Variants in WDR20 observed in about 807,000 individuals in gnomAD.
The protein encoded by WDR20 is WD repeat domain 20.
WDR20 carries 3 observed loss-of-function variants against 38.7 expected under a neutral mutation model. The observed-to-expected ratio is 0.08, with a 90% CI of 0.04 to 0.20. The LOEUF (loss-of-function observed/expected upper bound fraction) is 0.20. Among genes scored for constraint, WDR20 ranks in the 10% least tolerant of loss-of-function variants. WDR20 has a pLI of 1.00. For synonymous variants in WDR20, 298 were observed against 285.6 expected (o/e 1.04, Z -0.44); for missense variants, 559 against 727.7 (o/e 0.77, Z 2.67).
intron 1 of WDR20, among the ~76,000 whole-genome samples, chr14:102,170,624 A>T (rs1224717028): frequency 7.7e-6 from 1 of 130,432 alleles, no homozygotes; most frequent in African/African-American, 2.7e-5. Context: ...TCTGGTCTTT[A>T]AAAAAAAAAA....
intron 1 of WDR20, among the ~76,000 whole-genome samples, chr14:102,177,462 A>G (rs2062403151): frequency 6.6e-6 from 1 of 152,210 alleles, no homozygotes; most frequent in South Asian, 2.1e-4. Flanking sequence ...CTCAAAACCC[A>G]GTGAAGGGAG....
chr14:102,172,078 G>A (rs1429037959), intron 1 of WDR20, among the ~76,000 whole-genome samples: 1 of 151,252 alleles, frequency 6.6e-6, no homozygotes, highest in East Asian at 1.9e-4. Flanking sequence ...TGTGTCCCTG[G>A]GTACTTGAGA....
downstream of WDR20, among the ~76,000 whole-genome samples, chr14:102,210,839 T>C (rs2062412860): frequency 6.6e-6 from 1 of 152,170 alleles, no homozygotes; most frequent in African/African-American, 2.4e-5. Flanking sequence ...TTCCGACTTC[T>C]CCCTGACATG....
At chr14:102,161,724 G>T (rs1207339323) in intron 1 of WDR20, among the ~76,000 whole-genome samples, 4 of 152,196 alleles carry the variant, frequency 2.6e-5, no homozygotes, top group Admixed American at 1.3e-4. Flanking sequence ...CATTGGTTCT[G>T]CTTTCTACCG....
intron 1 of WDR20, among the ~76,000 whole-genome samples, chr14:102,145,318 T>C (rs149943068): frequency 0.012 from 1,865 of 152,280 alleles, 20 homozygotes; most frequent in Non-Finnish European, 0.019. Flanking sequence ...TTTAAAAATA[T>C]TGCTAGTAGG....
At position 102,139,997 on chromosome 14, in the gene WDR20, A is replaced by G; in HGVS notation, c.74A>G (p.Lys25Arg). The stretch of plus-strand genomic sequence containing the variant: ...TTCACCACCCGGGAAGGTCTGTACA[A>G]GCTGCTGCCGCACTCGGAGTACAGC... ...TQFTTREGLY[K>R]LLPHSEYSRP... The change falls in exon 1 of 3, where the codon AAG becomes AGG. Residue 25 changes from lysine to arginine, a missense_variant. Coordinates refer to ENST00000342702, the MANE Select transcript of WDR20 (RefSeq NM_144574.4). 2 of 1,614,226 alleles carry G rather than the reference A, an allele frequency of 1.2e-6. No individual in the cohort carries two copies. The highest frequency in any genetic ancestry group is 8.5e-7 in the Non-Finnish European group (1 of 1,180,038).
intron 1 of WDR20, among the ~76,000 whole-genome samples, chr14:102,147,347 C>T (rs1360931508): frequency 6.6e-6 from 1 of 152,208 alleles, no homozygotes; most frequent in Non-Finnish European, 1.5e-5. Flanking sequence ...CAAGATCGTG[C>T]CAGTGCACTC....
chr14:102,224,718 G>C, downstream of WDR20: 1 of 456,044 alleles, frequency 2.2e-6, no homozygotes. Flanking sequence ...GTTACAGCTT[G>C]AGTTCTCAGC....
At chr14:102,212,321 C>G (rs756863366), downstream of WDR20, among the ~76,000 whole-genome samples, 1 of 152,184 alleles carries the variant, frequency 6.6e-6, no homozygotes, top group Non-Finnish European at 1.5e-5. Flanking sequence ...GGGGCCCCTT[C>G]GTTGTGTCTA....
intron 1 of WDR20, among the ~76,000 whole-genome samples, chr14:102,169,529 C>T (rs952767994): frequency 3.9e-5 from 6 of 152,012 alleles, no homozygotes; most frequent in Non-Finnish European, 8.8e-5. Flanking sequence ...AGTGGATATT[C>T]TCAAGTAACT....
downstream of WDR20, among the ~76,000 whole-genome samples, chr14:102,211,693 G>A (rs561613115): frequency 6.6e-6 from 1 of 152,320 alleles, no homozygotes; most frequent in African/African-American, 2.4e-5. The surrounding 1 kb of genome is among the most constrained non-coding windows in gnomAD (Gnocchi z 4.2). Flanking sequence ...GACAGTTTCC[G>A]CTTTGGAGGC....
At chr14:102,213,238 G>GAATT, downstream of WDR20, 1 of 985,490 alleles carries the variant, frequency 1.0e-6, no homozygotes, top group African/African-American at 1.7e-5. Flanking sequence ...TTCAGAAGGA[G>GAATT]AATTAAAAAT....
At chr14:102,176,655 G>A (rs1235654412) in intron 1 of WDR20, among the ~76,000 whole-genome samples, 1 of 151,860 alleles carries the variant, frequency 6.6e-6, no homozygotes, top group Non-Finnish European at 1.5e-5. Flanking sequence ...TTGGGTATTA[G>A]GGTGATACTG....
Position 102,209,106 on chromosome 14 carries a change from T to C in WDR20, c.936T>C (p.Phe312=). ...AGTCCTGGGTCAGTGTTGTAGCGTT[T>C]GACCCTTATACCACTAGTGTAGAAG... ...GHKSWVSVVA[F]DPYTTSVEEG... Residue 312 remains phenylalanine (F), a synonymous_variant, in exon 3 of 3, where the codon TTT becomes TTC. Transcript: ENST00000342702. This position sits in a 1 kb window ranked among gnomAD's most constrained non-coding sequence, Gnocchi z 6.0. 3.7e-6 allele frequency: 6 copies of C among 1,614,182 alleles called. No individual in the cohort carries two copies. The highest frequency in any genetic ancestry group is 5.1e-6 in the Non-Finnish European group (6 of 1,180,032).
At chr14:102,210,577 C>A, downstream of WDR20, 2 of 984,206 alleles carry the variant, frequency 2.0e-6, no homozygotes, top group Non-Finnish European at 2.4e-6. Flanking sequence ...ATACCCGTAC[C>A]TCACTCAGAG....
downstream of WDR20, chr14:102,214,242 G>T: frequency 1.0e-6 from 1 of 984,950 alleles, no homozygotes; most frequent in Non-Finnish European, 1.2e-6. Flanking sequence ...GCAGCCTGCA[G>T]GGCCCCCCCT....
downstream of WDR20, among the ~76,000 whole-genome samples, chr14:102,218,474 A>G (rs1291221678): frequency 6.6e-6 from 1 of 152,256 alleles, no homozygotes; most frequent in Non-Finnish European, 1.5e-5. Flanking sequence ...TCTGGCTGTC[A>G]GAATCTCCAG....
At chr14:102,212,095 G>A (rs970298587), downstream of WDR20, among the ~76,000 whole-genome samples, 1 of 152,150 alleles carries the variant, frequency 6.6e-6, no homozygotes, top group African/African-American at 2.4e-5. Flanking sequence ...AGGAACCAGG[G>A]GTGGGAGAGG....
intron 2 of WDR20, among the ~76,000 whole-genome samples, chr14:102,203,034 A>T (rs1460749034): frequency 6.6e-6 from 1 of 152,002 alleles, no homozygotes; most frequent in East Asian, 1.9e-4. Flanking sequence ...CAAGTTTAAG[A>T]CCTATTTGTC....
Sources: allele counts gnomAD v4.1 joint callset (sites outside exome capture counted in the v4.1 genomes callset), GRCh38; gene constraint gnomAD v4.1.1; non-coding constraint Gnocchi (gnomAD v3.1); transcripts MANE v1.5; gene names NCBI Gene and HGNC (gene_info 2026-07-23, HGNC 2026-07-21).